FCHSD2: variants seen among roughly 807,000 people sequenced by gnomAD.
FCHSD2 encodes FCH and double SH3 domains 2.
A neutral mutation model predicts 108.1 loss-of-function variants in FCHSD2; 38 were observed. The observed-to-expected ratio is 0.35, with a 90% confidence interval of 0.27 to 0.46. The LOEUF (loss-of-function observed/expected upper bound fraction) is 0.46. FCHSD2 is among the 20% of genes least tolerant of loss of function. FCHSD2 has a pLI of 1.00. For missense variants in FCHSD2, 751 were observed against 897.8 expected (o/e 0.84, Z 2.09); for synonymous variants, 279 against 314.7 (o/e 0.89, Z 1.20).
chr11:73,007,282 T>C (rs1383213369), intron 4 of FCHSD2, among the ~76,000 whole-genome samples: 1 of 152,176 alleles, frequency 6.6e-6, no homozygotes, highest in African/African-American at 2.4e-5. Flanking sequence ...ATATAAGATA[T>C]CTAGGAAAAC....
chr11:73,105,476 T>C (rs934920876), intron 2 of FCHSD2, among the ~76,000 whole-genome samples: 23 of 152,144 alleles, frequency 1.5e-4, no homozygotes, highest in Non-Finnish European at 3.4e-4. Context: ...GAAAGATAAC[T>C]TGGGAAGTGA....
intron 3 of FCHSD2, among the ~76,000 whole-genome samples, chr11:73,026,075 T>C (rs763553504): frequency 7.9e-5 from 12 of 152,130 alleles, no homozygotes; most frequent in Non-Finnish European, 1.3e-4. Flanking sequence ...CCAGGCTCAA[T>C]TGATCCTCCC....
intron 13 of FCHSD2, among the ~76,000 whole-genome samples, chr11:72,854,533 G>C (rs1353989075): frequency 6.6e-6 from 1 of 152,182 alleles, no homozygotes; most frequent in Non-Finnish European, 1.5e-5. Flanking sequence ...CTGGATGCAA[G>C]GGATCCTCCT....
intron 2 of FCHSD2, among the ~76,000 whole-genome samples, chr11:73,098,243 T>C (rs1234614453): frequency 6.6e-6 from 1 of 152,182 alleles, no homozygotes; most frequent in Non-Finnish European, 1.5e-5. Flanking sequence ...AGTTTTGGTA[T>C]TGTATATTTT....
chr11:73,136,533 T>G (rs1337118645), intron 2 of FCHSD2, among the ~76,000 whole-genome samples: 3 of 151,200 alleles, frequency 2.0e-5, no homozygotes, highest in African/African-American at 7.3e-5. Flanking sequence ...GGCAACAGAG[T>G]GAGACTGCCT....
chr11:73,056,105 T>C (rs931036489), intron 3 of FCHSD2, among the ~76,000 whole-genome samples: 1 of 152,226 alleles, frequency 6.6e-6, no homozygotes, highest in Non-Finnish European at 1.5e-5. Flanking sequence ...AAATGCTTAC[T>C]ATCTTTGACC....
intron 8 of FCHSD2, among the ~76,000 whole-genome samples, chr11:72,968,385 G>A (rs1856952112): frequency 1.3e-5 from 2 of 152,014 alleles, no homozygotes; most frequent in African/African-American, 4.8e-5. Flanking sequence ...GTTCAGAAAC[G>A]GTTACTCCTC....
chr11:73,104,663 G>A (rs1315198919), intron 2 of FCHSD2, among the ~76,000 whole-genome samples: 2 of 152,070 alleles, frequency 1.3e-5, no homozygotes, highest in Admixed American at 6.6e-5. Flanking sequence ...TCACCTCCCG[G>A]GTTCAAGCCA....
At chr11:72,997,321 C>T (rs1309898966) in intron 5 of FCHSD2, among the ~76,000 whole-genome samples, 1 of 152,078 alleles carries the variant, frequency 6.6e-6, no homozygotes, top group Non-Finnish European at 1.5e-5. Flanking sequence ...CAGAATAGCC[C>T]TAAAAAGCCT....
At position 73,100,750 on chromosome 11, in the gene FCHSD2, G is replaced by T. The variant is rs569369595; in HGVS notation, c.120-17010C>A. On this transcript the variant is annotated intron_variant, in intron 2 of 19. Transcript: ENST00000409418. ...GGCACAGAAACGCAGCTTGGATGTGGTAATGTTGAAATTCGAATCTATTGG... is the reference window on the plus strand; with the variant it reads ...GGCACAGAAACGCAGCTTGGATGTGTTAATGTTGAAATTCGAATCTATTGG... Among the ~76,000 whole-genome samples, 3 of 152,248 alleles carry T rather than the reference G, an allele frequency of 2.0e-5. No homozygotes were observed. The East Asian group carries it at 5.8e-4, about 29-fold the overall frequency.
intron 3 of FCHSD2, among the ~76,000 whole-genome samples, chr11:73,064,282 A>T (rs1859237395): frequency 6.6e-6 from 1 of 152,202 alleles, no homozygotes; most frequent in Admixed American, 6.5e-5. Context: ...GACACATTTA[A>T]AGTAGTCTGT....
At chr11:73,074,373 G>A (rs1045171010) in intron 3 of FCHSD2, among the ~76,000 whole-genome samples, 9 of 152,202 alleles carry the variant, frequency 5.9e-5, no homozygotes, top group African/African-American at 2.2e-4. Context: ...GCAAGCATAT[G>A]TGCAAGCATA....
intron 10 of FCHSD2, among the ~76,000 whole-genome samples, chr11:72,891,055 T>G (rs1367637432): frequency 6.6e-6 from 1 of 152,144 alleles, no homozygotes; most frequent in African/African-American, 2.4e-5. Flanking sequence ...TAGCTGGAAC[T>G]ACAGGTGTGT....
chr11:73,097,999 A>G (rs541130524), intron 2 of FCHSD2, among the ~76,000 whole-genome samples: 50 of 152,292 alleles, frequency 3.3e-4, no homozygotes, highest in Admixed American at 5.2e-4. Flanking sequence ...AGGTTTGCCA[A>G]TAAGTTATCT....
At chr11:73,001,980 G>A (rs911211739) in intron 4 of FCHSD2, among the ~76,000 whole-genome samples, 17 of 152,052 alleles carry the variant, frequency 1.1e-4, no homozygotes, top group Non-Finnish European at 2.2e-4. Context: ...AAACACAATC[G>A]ATAATTTATA....
chr11:73,012,369 A>G (rs1299108858), intron 4 of FCHSD2, among the ~76,000 whole-genome samples: 1 of 152,224 alleles, frequency 6.6e-6, no homozygotes, highest in Admixed American at 6.5e-5. Flanking sequence ...ATGTGAAAGA[A>G]AAGACCACAC....
At chr11:73,138,844 G>A in intron 2 of FCHSD2, among the ~76,000 whole-genome samples, 1 of 152,118 alleles carries the variant, frequency 6.6e-6, no homozygotes, top group East Asian at 1.9e-4. Context: ...CTGACCTCAG[G>A]TGATCTGCCT....
intron 8 of FCHSD2, among the ~76,000 whole-genome samples, chr11:72,963,439 C>A (rs1856851298): frequency 6.6e-6 from 1 of 152,136 alleles, no homozygotes; most frequent in Non-Finnish European, 1.5e-5. Flanking sequence ...CCCAAGGCTG[C>A]AAAACTGGTA....
chr11:73,050,389 TATC>T (rs1213674517), intron 3 of FCHSD2, among the ~76,000 whole-genome samples: 1 of 152,212 alleles, frequency 6.6e-6, no homozygotes, highest in Non-Finnish European at 1.5e-5. Context: ...TATAGAGACA[TATC>T]ATATGCAGAC....
Sources: gnomAD v4.1 joint callset for allele counts (sites outside exome capture counted in the v4.1 genomes callset) on GRCh38, gnomAD v4.1.1 for gene constraint, MANE v1.5 for transcripts, NCBI Gene and HGNC (gene_info 2026-07-23, HGNC 2026-07-21) for gene names.